Variants in CNTN5 observed in about 807,000 individuals in gnomAD.
CNTN5 encodes the protein contactin-5.
CNTN5 carries 77 observed loss-of-function variants against 129.1 expected under a neutral mutation model. The ratio of observed to expected loss-of-function variants is 0.60; its 90% CI spans 0.50 to 0.72. The LOEUF is 0.72. Ranked by LOEUF, CNTN5 falls within the 30% of genes least tolerant of loss-of-function variation. The pLI is 0.00. For synonymous variants in CNTN5, 509 were observed against 465.6 expected, an observed-to-expected ratio of 1.09 and a Z score of -1.20; for missense variants, 1,478 against 1,328.8, an observed-to-expected ratio of 1.11 and a Z score of -1.75.
chr11:99,536,077 A>G (rs1213145152), intron 2 of CNTN5, among the ~76,000 whole-genome samples: 1 of 152,120 alleles, frequency 6.6e-6, no homozygotes, highest in Non-Finnish European at 1.5e-5. Flanking sequence ...TAGGGTATAC[A>G]AATGAATCAT....
chr11:99,589,517 A>G (rs1164316145), intron 3 of CNTN5, among the ~76,000 whole-genome samples: 2 of 152,234 alleles, frequency 1.3e-5, no homozygotes, highest in Admixed American at 6.5e-5. Flanking sequence ...GAAGAAATAT[A>G]CTAATAGAAA....
At chr11:99,534,482 T>G (rs769787418) in intron 2 of CNTN5, among the ~76,000 whole-genome samples, 1 of 151,326 alleles carries the variant, frequency 6.6e-6, no homozygotes, top group African/African-American at 2.4e-5. Context: ...AAAAAATGCC[T>G]TCTAAAAATC....
chr11:99,747,770 C>T (rs192435799), intron 3 of CNTN5, among the ~76,000 whole-genome samples: 118 of 152,142 alleles, frequency 7.8e-4, no homozygotes, highest in Non-Finnish European at 1.3e-3. Context: ...CGGCACCCGG[C>T]CGGCCAGCAT....
At chr11:99,405,570 C>T (rs1395194099) in intron 2 of CNTN5, among the ~76,000 whole-genome samples, 5 of 150,518 alleles carry the variant, frequency 3.3e-5, no homozygotes, top group Admixed American at 2.7e-4. Context: ...TTATTTCAAT[C>T]TCTTTGTTAA....
intron 2 of CNTN5, among the ~76,000 whole-genome samples, chr11:99,421,201 A>G (rs1031303241): frequency 4.0e-5 from 6 of 151,330 alleles, no homozygotes; most frequent in African/African-American, 1.5e-4. Context: ...ACACTGCTAT[A>G]AGCTCAGGGG....
At chr11:99,501,336 T>C (rs1946420180) in intron 2 of CNTN5, among the ~76,000 whole-genome samples, 1 of 152,224 alleles carries the variant, frequency 6.6e-6, no homozygotes, top group South Asian at 2.1e-4. Context: ...AAGCCAATTA[T>C]GAAGGGAGAA....
intron 1 of CNTN5, among the ~76,000 whole-genome samples, chr11:99,242,179 A>C (rs2135761372): frequency 6.6e-6 from 1 of 152,272 alleles, no homozygotes. Context: ...TGGTAGCAAA[A>C]AAATAAATCA....
chr11:99,616,090 T>C (rs111885760), intron 3 of CNTN5, among the ~76,000 whole-genome samples: 1 of 152,184 alleles, frequency 6.6e-6, no homozygotes, highest in Non-Finnish European at 1.5e-5. Flanking sequence ...GTAAGCATTG[T>C]ATGTTTTTAG....
chr11:99,984,710 A>G (rs1340051700), intron 8 of CNTN5, among the ~76,000 whole-genome samples: 2 of 152,228 alleles, frequency 1.3e-5, no homozygotes, highest in Non-Finnish European at 2.9e-5. Context: ...CTCATAATAC[A>G]TTTAGAATAC....
chr11:99,991,394 G>A (rs561028821), intron 8 of CNTN5, among the ~76,000 whole-genome samples: 1 of 152,260 alleles, frequency 6.6e-6, no homozygotes, highest in African/African-American at 2.4e-5. Context: ...CTGAACCCGG[G>A]AGGCAGAGCT....
chr11:99,919,771 T>C (rs954996327), intron 7 of CNTN5, among the ~76,000 whole-genome samples: 5 of 151,872 alleles, frequency 3.3e-5, no homozygotes, highest in Non-Finnish European at 5.9e-5. Flanking sequence ...TGCTATGCTT[T>C]CTGTCTCTAT....
chr11:99,528,737 T>A (rs1315818697), intron 2 of CNTN5, among the ~76,000 whole-genome samples: 1 of 152,174 alleles, frequency 6.6e-6, no homozygotes, highest in African/African-American at 2.4e-5. Context: ...TAAGTTCTAA[T>A]GTCAAAGGTG....
In CNTN5 at chr11:99,969,082, A is replaced by G. The variant is rs7948557; in HGVS notation, c.877+12073A>G. On this transcript the variant is annotated intron_variant, in intron 8 of 24. Transcript: ENST00000524871. ...GCAATCAGTCATTCCATACAATCCAATTTCTTCCTAAGCATACTTAAAAAA... is the reference window on the plus strand; with the variant it reads ...GCAATCAGTCATTCCATACAATCCAGTTTCTTCCTAAGCATACTTAAAAAA... Among the ~76,000 whole-genome samples the G allele has an allele frequency of 2.5e-3, 376 of 152,158 alleles. 1 individual carries two copies. Among genetic ancestry groups the G allele is most frequent in the African/African-American group, 8.6e-3 (357 of 41,538 alleles).
At chr11:99,587,179 G>A (rs1012074899) in intron 3 of CNTN5, among the ~76,000 whole-genome samples, 3 of 152,140 alleles carry the variant, frequency 2.0e-5, no homozygotes, top group Admixed American at 2.0e-4. Context: ...TGGGTAATCC[G>A]CTGGATATCC....
At chr11:100,246,700 T>C (rs899422206) in intron 16 of CNTN5, among the ~76,000 whole-genome samples, 1 of 152,176 alleles carries the variant, frequency 6.6e-6, no homozygotes, top group East Asian at 1.9e-4. Flanking sequence ...ATTTTTAACA[T>C]AAATTTAGAG....
At chr11:99,577,979 T>G (rs1212937706) in intron 3 of CNTN5, among the ~76,000 whole-genome samples, 1 of 75,820 alleles carries the variant, frequency 1.3e-5, no homozygotes, top group Non-Finnish European at 2.6e-5. Flanking sequence ...CCCTCCCCCC[T>G]CCCCCCACCC....
At chr11:99,842,852 A>G (rs1005727296) in intron 4 of CNTN5, among the ~76,000 whole-genome samples, 4 of 152,160 alleles carry the variant, frequency 2.6e-5, no homozygotes, top group African/African-American at 7.2e-5. Context: ...TTATTGAATA[A>G]AAGTTTTAAT....
chr11:99,541,739 A>G (rs1025242169), intron 2 of CNTN5, among the ~76,000 whole-genome samples: 6 of 152,184 alleles, frequency 3.9e-5, no homozygotes, highest in Non-Finnish European at 8.8e-5. Flanking sequence ...GCTTGAGCCC[A>G]GGAGTTTGAG....
intron 13 of CNTN5, among the ~76,000 whole-genome samples, chr11:100,147,642 G>A (rs1457926847): frequency 6.6e-6 from 1 of 152,012 alleles, no homozygotes; most frequent in Non-Finnish European, 1.5e-5. Context: ...GTGTATTTGT[G>A]TGTGTGTGTG....
Sources: gnomAD v4.1 joint callset for allele counts (sites outside exome capture counted in the v4.1 genomes callset) on GRCh38, gnomAD v4.1.1 for gene constraint, MANE v1.5 for transcripts, NCBI Gene and HGNC (gene_info 2026-07-23, HGNC 2026-07-21) for gene names.